Variants in CDKAL1 observed in about 807,000 individuals in gnomAD.
CDKAL1 encodes threonylcarbamoyladenosine tRNA methylthiotransferase.
Under a neutral mutation model 68.2 loss-of-function variants are expected in CDKAL1, and 32 were observed. The observed-to-expected ratio is 0.47, with a 90% CI of 0.35 to 0.63. CDKAL1 has a LOEUF of 0.63. Ranked by LOEUF, CDKAL1 falls within the 30% of genes least tolerant of loss-of-function variation. CDKAL1 has a pLI of 0.00. For synonymous variants in CDKAL1, 234 were observed against 244.3 expected (o/e 0.96, Z 0.39); for missense variants, 606 against 696.7 (o/e 0.87, Z 1.47).
rs111739077 is a variant in CDKAL1 at position 20,546,466 on chromosome 6, G to A, written c.116G>A (p.Arg39Gln). The change falls in exon 3 of 16, where the codon CGA becomes CAA. Residue 39 changes from arginine to glutamine, a missense_variant. By Grantham distance (43) the Arg-to-Gln change is conservative. Transcript: ENST00000274695. ...FVRKDVVPKV[R>Q]RRNTQKYLQE... ...AGAAAGGATGTTGTCCCGAAGGTACGAAGGCGAAATACCCAAAAATATTTG... is the reference window on the plus strand; with the variant it reads ...AGAAAGGATGTTGTCCCGAAGGTACAAAGGCGAAATACCCAAAAATATTTG... 12,405 of 1,614,084 alleles carry A rather than the reference G, an allele frequency of 7.7e-3. 55 individuals are homozygous for A. Among genetic ancestry groups the A allele is most frequent in the Non-Finnish European group, 9.1e-3 (10,731 of 1,179,962 alleles).
At chr6:20,685,809 G>A (rs189249063) in intron 5 of CDKAL1, among the ~76,000 whole-genome samples, 5 of 152,190 alleles carry the variant, frequency 3.3e-5, no homozygotes, top group Non-Finnish European at 5.9e-5. Flanking sequence ...GTCTGCTCTT[G>A]AACTTCTGAG....
chr6:20,692,003 G>T (rs111886566), intron 5 of CDKAL1, among the ~76,000 whole-genome samples: 4 of 151,746 alleles, frequency 2.6e-5, no homozygotes, highest in African/African-American at 4.8e-5. Flanking sequence ...TTAAGTTTTC[G>T]CAGTGTGCAG....
intron 5 of CDKAL1, among the ~76,000 whole-genome samples, chr6:20,668,421 T>C (rs1274917348): frequency 1.3e-5 from 2 of 152,124 alleles, no homozygotes; most frequent in East Asian, 3.9e-4. Context: ...AGCCTTGAAA[T>C]CCTGGGCTAA....
At chr6:20,672,324 TTCTCTCTCTGTCTCTC>T in intron 5 of CDKAL1, among the ~76,000 whole-genome samples, 1 of 149,670 alleles carries the variant, frequency 6.7e-6, no homozygotes, top group Non-Finnish European at 1.5e-5. Context: ...CTCCGTCTCT[TTCTCTCTCTGTCTCTC>T]TCTCTCTCTT....
intron 9 of CDKAL1, among the ~76,000 whole-genome samples, chr6:20,929,507 A>G (rs1197061297): frequency 2.6e-5 from 4 of 152,196 alleles, no homozygotes; most frequent in Non-Finnish European, 5.9e-5. Context: ...TAAGAAAGGA[A>G]TGATAGCAGA....
chr6:20,980,307 G>C (rs1057435335), intron 10 of CDKAL1, among the ~76,000 whole-genome samples: 13 of 151,764 alleles, frequency 8.6e-5, no homozygotes, highest in Admixed American at 2.0e-4. Flanking sequence ...GCGCGATCTC[G>C]GCTCACTGCA....
intron 5 of CDKAL1, among the ~76,000 whole-genome samples, chr6:20,706,428 C>T (rs967569883): frequency 8.5e-5 from 13 of 152,230 alleles, no homozygotes; most frequent in African/African-American, 2.9e-4. Flanking sequence ...GCTGATCCAA[C>T]TAGCCTAGTT....
intron 5 of CDKAL1, among the ~76,000 whole-genome samples, chr6:20,655,675 T>C (rs1189696631): frequency 3.3e-5 from 5 of 152,038 alleles, no homozygotes; most frequent in Admixed American, 6.6e-5. Flanking sequence ...GTGGAACAGT[T>C]TCACCCCAAC....
intron 6 of CDKAL1, among the ~76,000 whole-genome samples, chr6:20,746,168 C>A (rs989120080): frequency 6.6e-6 from 1 of 152,104 alleles, no homozygotes; most frequent in African/African-American, 2.4e-5. Context: ...TTTACTGGCA[C>A]CCTTCTAGCC....
chr6:21,178,423 A>G lies in CDKAL1; in HGVS notation c.1300-19598A>G, dbSNP rs139346868. 1.1e-4 allele frequency among the ~76,000 whole-genome samples: 17 copies of G among 152,342 alleles called. No individual in the cohort carries two copies. In the East Asian group the frequency reaches 3.1e-3, roughly 28 times the overall value. ...TATGAATTATGAGTGTGCTGTTAAT[A>G]TGATGTGCCCTGTGTAATTCTGAAC... On this transcript the variant is annotated intron_variant, in intron 13 of 15. Transcript: ENST00000274695.
chr6:21,029,554 A>C (rs1400501709), intron 11 of CDKAL1, among the ~76,000 whole-genome samples: 1 of 152,218 alleles, frequency 6.6e-6, no homozygotes, highest in Non-Finnish European at 1.5e-5. Context: ...AACCTGCAGA[A>C]TGGGAGAAAA....
At chr6:20,656,512 G>C (rs1264122771) in intron 5 of CDKAL1, among the ~76,000 whole-genome samples, 1 of 151,838 alleles carries the variant, frequency 6.6e-6, no homozygotes, top group Non-Finnish European at 1.5e-5. Flanking sequence ...GCCTGTGATT[G>C]TCTCAAATTA....
intron 4 of CDKAL1, among the ~76,000 whole-genome samples, chr6:20,584,937 C>T (rs757969404): frequency 1.4e-4 from 22 of 152,214 alleles, no homozygotes; most frequent in Non-Finnish European, 3.1e-4. Flanking sequence ...CTGTCTCCCC[C>T]GCCAAGGTCA....
At chr6:20,827,720 A>G (rs1581656558) in intron 8 of CDKAL1, among the ~76,000 whole-genome samples, 2 of 152,216 alleles carry the variant, frequency 1.3e-5, no homozygotes, top group Non-Finnish European at 2.9e-5. Context: ...AATTGAAGAC[A>G]TAAAGATAGG....
intron 8 of CDKAL1, among the ~76,000 whole-genome samples, chr6:20,811,527 TTTTGCTAA>T (rs1776816392): frequency 6.6e-6 from 1 of 152,200 alleles, no homozygotes; most frequent in African/African-American, 2.4e-5. Context: ...ACATTCTGGA[TTTTGCTAA>T]TTGCATCCTC....
At chr6:20,882,006 A>G (rs9465924) in intron 9 of CDKAL1, among the ~76,000 whole-genome samples, 145,951 of 152,282 alleles carry the variant, frequency 0.96, 69,955 homozygotes, top group East Asian at 1. Flanking sequence ...CTTTCCAGAT[A>G]TCATATAAAT....
chr6:20,565,979 T>C (rs1764444699), intron 4 of CDKAL1, among the ~76,000 whole-genome samples: 1 of 152,088 alleles, frequency 6.6e-6, no homozygotes, highest in Non-Finnish European at 1.5e-5. Context: ...AAAAATGCAC[T>C]CAGTGATTTT....
intron 6 of CDKAL1, among the ~76,000 whole-genome samples, chr6:20,748,470 T>C (rs192516869): frequency 7.1e-6 from 1 of 140,818 alleles, no homozygotes; most frequent in Non-Finnish European, 1.5e-5. Flanking sequence ...CAGGCTGTGG[T>C]GAGTTCCAGG....
At chr6:20,561,446 GAAAAAAAAAAAA>G (rs55750789) in intron 4 of CDKAL1, among the ~76,000 whole-genome samples, 2 of 79,652 alleles carry the variant, frequency 2.5e-5, no homozygotes, top group African/African-American at 4.9e-5. Flanking sequence ...TCTCAAAAAA[GAAAAAAAAAAAA>G]AAAAAAAAAA....
Sources: allele counts gnomAD v4.1 joint callset (sites outside exome capture counted in the v4.1 genomes callset), GRCh38; gene constraint gnomAD v4.1.1; transcripts MANE v1.5; gene names NCBI Gene and HGNC (gene_info 2026-07-23, HGNC 2026-07-21).